The following PCSK5 variants were observed in gnomAD, a reference collection of about 807,000 sequenced individuals.
PCSK5 encodes the protein proprotein convertase subtilisin/kexin type 5, also known as prohormone convertase 5.
A neutral mutation model predicts 233.2 loss-of-function variants in PCSK5; 129 were observed. That is an observed-to-expected ratio of 0.55 (90% CI 0.48 to 0.64). The LOEUF is 0.64. Ranked by LOEUF, PCSK5 falls within the 30% of genes least tolerant of loss-of-function variation. The pLI, the probability that PCSK5 is intolerant of heterozygous loss-of-function variation, is 0.00. For synonymous variants in PCSK5, 825 were observed against 879.2 expected, an observed-to-expected ratio of 0.94 and a Z score of 1.09; for missense variants, 2,076 against 2,430.1, an observed-to-expected ratio of 0.85 and a Z score of 3.06.
At chr9:76,144,984 G>C (rs1386371481) in intron 10 of PCSK5, among the ~76,000 whole-genome samples, 1 of 151,852 alleles carries the variant, frequency 6.6e-6, no homozygotes. Context: ...AATTAGCTGG[G>C]TGTGGTGGTG....
Position 76,233,560 on chromosome 9 carries a change from G to C in PCSK5, c.2830G>C (p.Gly944Arg), listed in dbSNP as rs1435267204. The stretch of plus-strand genomic sequence containing the variant: ...CCACCACACCTGCCAGAGATGCCAA[G>C]GAAGTGGCCCTACCCACTGCACCTC... Reference protein sequence around the residue: ...PCHHTCQRCQGSGPTHCTSCG... With the variant: ...PCHHTCQRCQRSGPTHCTSCG... Residue 944 changes from glycine (G) to arginine (R), a missense_variant, in exon 22 of 38, where the codon GGA becomes CGA. Transcript: ENST00000674117. The C allele has an allele frequency of 6.2e-7, 1 of 1,611,710 alleles. No individual in the cohort carries two copies. Among genetic ancestry groups the C allele is most frequent in the African/African-American group, 1.3e-5 (1 of 74,934 alleles).
At chr9:76,100,467 C>G (rs772175780) in intron 8 of PCSK5, among the ~76,000 whole-genome samples, 4 of 152,192 alleles carry the variant, frequency 2.6e-5, no homozygotes, top group Non-Finnish European at 5.9e-5. Context: ...ATCATGGTGT[C>G]CCCACTTTTT....
intron 2 of PCSK5, among the ~76,000 whole-genome samples, chr9:75,960,698 C>A (rs988362868): frequency 6.6e-6 from 1 of 152,198 alleles, no homozygotes; most frequent in Non-Finnish European, 1.5e-5. Context: ...TGAGCATCGG[C>A]TCTCCTTCGT....
At chr9:76,205,323 C>A (rs775912339) in intron 20 of PCSK5, 9 of 503,492 alleles carry the variant, frequency 1.8e-5, no homozygotes, top group South Asian at 2.9e-5. Flanking sequence ...CAGAACACAG[C>A]GTGAGGAGGT....
chr9:76,261,296 C>T (rs1253182730), intron 24 of PCSK5, among the ~76,000 whole-genome samples: 2 of 152,246 alleles, frequency 1.3e-5, no homozygotes, highest in East Asian at 1.9e-4. Context: ...AAAAATAAAC[C>T]GTTGCCTTTC....
chr9:76,361,693 A>G lies in PCSK5; in HGVS notation c.*2771A>G, dbSNP rs943443787. On this transcript the variant is annotated 3_prime_UTR_variant, in exon 38 of 38. Coordinates refer to ENST00000674117, the MANE Select transcript of PCSK5 (RefSeq NM_001372043.1). ...CTTCAGCCTGAATGACAGAGCTAAG[A>G]CCCTGACTCAAAATAAATAAATAAC... 6.6e-6 allele frequency: 1 copy of G among 152,202 alleles called. No individual in the cohort carries two copies. Among genetic ancestry groups the G allele is most frequent in the Non-Finnish European group, 1.5e-5 (1 of 68,050 alleles). 9.4% of individuals were successfully genotyped at this position (152,202 alleles called of 1,614,324 possible).
At chr9:76,231,707 G>A (rs1233745500) in intron 21 of PCSK5, among the ~76,000 whole-genome samples, 1 of 152,130 alleles carries the variant, frequency 6.6e-6, no homozygotes, top group East Asian at 1.9e-4. Context: ...GTGGGGCTGG[G>A]ATATTCCCCT....
intron 5 of PCSK5, among the ~76,000 whole-genome samples, chr9:76,064,163 G>C (rs1450431711): frequency 3.8e-4 from 44 of 116,878 alleles, no homozygotes; most frequent in South Asian, 5.7e-4. Flanking sequence ...TCCCGGACGG[G>C]GCGGCTGGCC....
intron 28 of PCSK5, 58 bp from the exon 29 acceptor site, chr9:76,308,587 G>A (rs1437747248): frequency 6.3e-6 from 6 of 956,814 alleles, no homozygotes; most frequent in African/African-American, 3.2e-5. Context: ...TTTCAGTACT[G>A]GAATCCTATG....
intron 12 of PCSK5, among the ~76,000 whole-genome samples, chr9:76,160,273 A>T (rs966772420): frequency 1.8e-4 from 28 of 151,940 alleles, no homozygotes; most frequent in African/African-American, 6.5e-4. Flanking sequence ...ATGTTCTATC[A>T]CTCATTTTCT....
Position 76,324,941 on chromosome 9 carries a change from G to A in PCSK5, c.4339+1653G>A, listed in dbSNP as rs1416613459. On this transcript the variant is annotated intron_variant, in intron 32 of 37. Coordinates refer to ENST00000674117, the MANE Select transcript of PCSK5 (RefSeq NM_001372043.1). The stretch of plus-strand genomic sequence containing the variant: ...GTGACCTTCCACTGAGAAACCCTGG[G>A]ACACCCACACCCTAGGACATACTGA... 2.6e-5 allele frequency among the ~76,000 whole-genome samples: 4 copies of A among 152,144 alleles called. No individual in the cohort carries two copies. The East Asian group carries it at 5.8e-4, about 22-fold the overall frequency.
intron 10 of PCSK5, among the ~76,000 whole-genome samples, chr9:76,136,864 T>C (rs984666487): frequency 1.3e-5 from 2 of 152,052 alleles, no homozygotes; most frequent in Non-Finnish European, 2.9e-5. Context: ...AACAACTCAG[T>C]TTTGGAGTTC....
intron 24 of PCSK5, among the ~76,000 whole-genome samples, chr9:76,243,035 C>T (rs1300138834): frequency 8.5e-5 from 13 of 152,164 alleles, no homozygotes; most frequent in African/African-American, 1.7e-4. Context: ...ACTAGGTGTT[C>T]GCATTGGCCT....
rs150894000 is a variant in PCSK5, at chr9:76,324,521, G to A, written c.4339+1233G>A. On this transcript the variant is annotated intron_variant, in intron 32 of 37. Transcript: ENST00000674117. ...GCTGGGATTACAGGTGTGAGCCACCGCGCCCAGCCTCCCTTCATGGTTTGC... is the reference window on the plus strand; with the variant it reads ...GCTGGGATTACAGGTGTGAGCCACCACGCCCAGCCTCCCTTCATGGTTTGC... Among the ~76,000 whole-genome samples, 808 of 152,112 alleles carry A rather than the reference G, an allele frequency of 5.3e-3. 2 individuals are homozygous for A. Among genetic ancestry groups the A allele is most frequent in the African/African-American group, 0.018 (755 of 41,506 alleles).
chr9:75,906,970 A>C (rs149392087), intron 1 of PCSK5, among the ~76,000 whole-genome samples: 267 of 152,200 alleles, frequency 1.8e-3, no homozygotes, highest in African/African-American at 6.2e-3. Context: ...TGGAAATTTT[A>C]TCTCTTCTTG....
intron 1 of PCSK5, among the ~76,000 whole-genome samples, chr9:75,894,456 T>C (rs79388298): frequency 0.017 from 2,607 of 152,296 alleles, 34 homozygotes; most frequent in South Asian, 0.029. Context: ...ACGTGCTTGA[T>C]TTCCAGAAGG....
chr9:75,948,535 C>G (rs911881987), intron 2 of PCSK5, among the ~76,000 whole-genome samples: 8 of 151,880 alleles, frequency 5.3e-5, no homozygotes, highest in Admixed American at 5.2e-4. Context: ...GTATATGTGC[C>G]ACATTTTCTT....
At chr9:76,069,457 TAAA>T (rs5898446) in intron 6 of PCSK5, among the ~76,000 whole-genome samples, 11 of 145,256 alleles carry the variant, frequency 7.6e-5, no homozygotes, top group Admixed American at 6.8e-5. Context: ...GAACCTTATT[TAAA>T]AAAAAAAAAA....
At chr9:76,299,562 C>T (rs904627054) in intron 27 of PCSK5, among the ~76,000 whole-genome samples, 5 of 152,110 alleles carry the variant, frequency 3.3e-5, no homozygotes, top group Non-Finnish European at 7.3e-5. Flanking sequence ...ATCCCAGCTA[C>T]TCAGGAGGCT....
Sources: allele counts gnomAD v4.1 joint callset (sites outside exome capture counted in the v4.1 genomes callset), GRCh38; gene constraint gnomAD v4.1.1; transcripts MANE v1.5; gene names NCBI Gene and HGNC (gene_info 2026-07-23, HGNC 2026-07-21).